The following ENPP3 variants were observed in gnomAD, a reference collection of about 807,000 sequenced individuals.
ENPP3 encodes ectonucleotide pyrophosphatase/phosphodiesterase 3, also known as ectonucleotide pyrophosphatase/phosphodiesterase family member 3.
In ENPP3, 104 loss-of-function variants were observed where a neutral mutation model predicts 117.8. That is an observed-to-expected ratio of 0.88 (90% confidence interval 0.75 to 1.04). The LOEUF is 1.04. ENPP3 is among the 50% of genes least tolerant of loss of function. The pLI, the probability that ENPP3 is intolerant of heterozygous loss-of-function variation, is 0.00. For synonymous variants in ENPP3, 380 were observed against 349.9 expected, an observed-to-expected ratio of 1.09 and a Z score of -0.96; for missense variants, 1,026 against 1,051.9, an observed-to-expected ratio of 0.98 and a Z score of 0.34.
intron 20 of ENPP3, among the ~76,000 whole-genome samples, chr6:131,732,388 C>T (rs1343986214): frequency 6.6e-6 from 1 of 152,066 alleles, no homozygotes; most frequent in African/African-American, 2.4e-5. Flanking sequence ...AATTATTGTA[C>T]TAGTCTTTAA....
chr6:131,666,267 AT>A (rs373215648), intron 6 of ENPP3, among the ~76,000 whole-genome samples: 2,808 of 150,710 alleles, frequency 0.019, 37 homozygotes, highest in South Asian at 0.033. Context: ...AGTTGCTTTT[AT>A]TTTGCTGCTT....
rs2114479122 is a variant in ENPP3, at chr6:131,702,469, G to T, written c.1412+8845G>T. On this transcript the variant is annotated intron_variant, in intron 15 of 24. Coordinates refer to ENST00000357639, the MANE Select transcript of ENPP3 (RefSeq NM_005021.5). ...CCACAATGTTTAGATGAGCATTTAT[G>T]TGAATGACTGAATAGATTTGCACTG... Among the ~76,000 whole-genome samples, 2 of 150,190 alleles carry T rather than the reference G, an allele frequency of 1.3e-5. 1 individual carries two copies. Among genetic ancestry groups the T allele is most frequent in the South Asian group, 4.2e-4 (2 of 4,808 alleles).
chr6:131,746,102 AT>A (rs1562487453), intron 24 of ENPP3, among the ~76,000 whole-genome samples: 6 of 152,022 alleles, frequency 3.9e-5, no homozygotes. Context: ...AAAAAAAAAA[AT>A]TTGAATGTAC....
intron 12 of ENPP3, among the ~76,000 whole-genome samples, chr6:131,683,920 T>G (rs894361251): frequency 1.6e-4 from 24 of 151,940 alleles, no homozygotes; most frequent in African/African-American, 5.8e-4. Flanking sequence ...CTGGCTAATT[T>G]TTTTGTATTT....
chr6:131,650,147 C>G lies in ENPP3; in HGVS notation c.275C>G (p.Ser92Ter). The G allele has an allele frequency of 6.2e-7, 1 of 1,613,934 alleles. No individual in the cohort carries two copies. Among genetic ancestry groups the G allele is most frequent in the Non-Finnish European group, 8.5e-7 (1 of 1,179,892 alleles). Reference sequence around the variant, plus strand: ...GATTTTGAAGACACCTGTGTGGAATCAAGTATGAGTTCTGAGAATAAGTTT... The same window carrying G: ...GATTTTGAAGACACCTGTGTGGAATGAAGTATGAGTTCTGAGAATAAGTTT... ...CWDFEDTCVE[S>*]TRIWMCNKFR... The change falls in exon 3 of 25, where the codon TCA (serine) becomes TGA (stop). Residue 92 changes from serine to a stop codon, truncating the protein, a stop_gained and splice_region_variant. Coordinates refer to ENST00000357639, the MANE Select transcript of ENPP3 (RefSeq NM_005021.5). LOFTEE classifies it high-confidence loss of function.
chr6:131,637,743 A>G (rs1196961603), intron 1 of ENPP3, among the ~76,000 whole-genome samples: 1 of 152,168 alleles, frequency 6.6e-6, no homozygotes, highest in Non-Finnish European at 1.5e-5. Context: ...GATTATAACT[A>G]CCTCTCAATC....
intron 14 of ENPP3, among the ~76,000 whole-genome samples, chr6:131,689,246 A>T (rs1381141273): frequency 6.6e-6 from 1 of 152,218 alleles, no homozygotes; most frequent in African/African-American, 2.4e-5. Flanking sequence ...ACAGCCTTCC[A>T]TTGGAAGAAG....
At chr6:131,641,615 A>T (rs1323548573) in intron 2 of ENPP3, 85 bp downstream of exon 2, 1 of 838,960 alleles carries the variant, frequency 1.2e-6, no homozygotes, top group Non-Finnish European at 2.0e-6. Context: ...CTCCCATCCC[A>T]AGCCTCCTCT....
intron 6 of ENPP3, among the ~76,000 whole-genome samples, chr6:131,670,383 G>A (rs1778713287): frequency 6.6e-6 from 1 of 152,152 alleles, no homozygotes; most frequent in African/African-American, 2.4e-5. Context: ...TTTAGCTCAG[G>A]GGTCAACAGG....
chr6:131,676,865 T>G (rs1354487355), intron 10 of ENPP3, 64 bp downstream of exon 10: 5 of 1,079,504 alleles, frequency 4.6e-6, no homozygotes, highest in African/African-American at 3.2e-5. Flanking sequence ...AATGAAGTTT[T>G]TTTTTTTTTA....
Position 131,697,110 on chromosome 6 carries a change from G to A in ENPP3, c.1412+3486G>A, listed in dbSNP as rs1394921721. 2.0e-5 allele frequency among the ~76,000 whole-genome samples: 3 copies of A among 152,244 alleles called. No homozygotes were observed. The East Asian group carries it at 5.8e-4, about 29-fold the overall frequency. ...AGCAGTAGCTCTAGGGCAAGGAAGG[G>A]TAAAGAGAAGGAGGCAGGTTTCCAG... On this transcript the variant is annotated intron_variant, in intron 15 of 24. Transcript: ENST00000357639.
At chr6:131,728,235 T>G (rs972332698) in intron 20 of ENPP3, among the ~76,000 whole-genome samples, 4 of 152,160 alleles carry the variant, frequency 2.6e-5, no homozygotes, top group African/African-American at 9.7e-5. Context: ...ATACTCAGGG[T>G]CAGTCCTATT....
intron 11 of ENPP3, among the ~76,000 whole-genome samples, chr6:131,678,646 T>C (rs551089117): frequency 7.7e-4 from 118 of 152,368 alleles, no homozygotes; most frequent in Middle Eastern, 3.4e-3. Context: ...TTGTCCTCAA[T>C]TGGAATGCAA....
intron 20 of ENPP3, among the ~76,000 whole-genome samples, chr6:131,730,819 G>A (rs2114553249): frequency 6.6e-6 from 1 of 151,728 alleles, no homozygotes; most frequent in African/African-American, 2.4e-5. Context: ...GGAAGCTGAG[G>A]CAGGAGAATC....
chr6:131,691,231 A>C lies in ENPP3; in HGVS notation c.1285-2266A>C, dbSNP rs142559741. Among the ~76,000 whole-genome samples the C allele has an allele frequency of 2.6e-3, 394 of 152,218 alleles. 1 individual carries two copies. The highest frequency in any genetic ancestry group is 8.6e-3 in the African/African-American group (358 of 41,534). ...AGAATTAACCAAGCATGAAGTGGCA[A>C]CTTTTTAAGTTCTGCAGCACTCTGA... On this transcript the variant is annotated intron_variant, in intron 14 of 24. Transcript: ENST00000357639.
At chr6:131,737,269 T>G in intron 21 of ENPP3, 86 bp from the exon 22 acceptor site, 2 of 756,140 alleles carry the variant, frequency 2.6e-6, no homozygotes, top group Non-Finnish European at 4.4e-6. Context: ...TAAATTTATA[T>G]TAATATGTAA....
intron 5 of ENPP3, among the ~76,000 whole-genome samples, chr6:131,655,436 G>C (rs557026117): frequency 1.3e-5 from 2 of 152,176 alleles, no homozygotes; most frequent in Non-Finnish European, 2.9e-5. Flanking sequence ...GTGGTTGCTG[G>C]AAGCAGGAAG....
intron 15 of ENPP3, among the ~76,000 whole-genome samples, chr6:131,697,358 C>T (rs1210818903): frequency 7.0e-6 from 1 of 142,266 alleles, no homozygotes; most frequent in Non-Finnish European, 1.5e-5. Flanking sequence ...CGAGGATGGT[C>T]TAGCGCAGTG....
intron 20 of ENPP3, among the ~76,000 whole-genome samples, chr6:131,729,786 A>G (rs1780236998): frequency 6.6e-6 from 1 of 152,118 alleles, no homozygotes; most frequent in Non-Finnish European, 1.5e-5. Flanking sequence ...CATTCCTAGT[A>G]CTGATGCACT....
Sources: allele counts gnomAD v4.1 joint callset (sites outside exome capture counted in the v4.1 genomes callset), GRCh38; gene constraint gnomAD v4.1.1; transcripts MANE v1.5; gene names NCBI Gene and HGNC (gene_info 2026-07-23, HGNC 2026-07-21).